Variants in ZFHX3 observed in about 807,000 individuals in gnomAD.
ZFHX3 encodes zinc finger homeobox 3.
Under a neutral mutation model 279.1 loss-of-function variants are expected in ZFHX3, and 42 were observed. The ratio of observed to expected loss-of-function variants is 0.15; its 90% CI spans 0.12 to 0.19. The LOEUF is 0.19. Among genes scored for constraint, ZFHX3 ranks in the 10% least tolerant of loss-of-function variants. The pLI is 1.00. For missense variants in ZFHX3, 4,981 were observed against 4,754.0 expected (o/e 1.05, Z -1.40); for synonymous variants, 2,293 against 1,957.8 (o/e 1.17, Z -4.52).
At chr16:73,157,278 A>AGTT (rs1438782253) in intron 5 of ZFHX3, among the ~76,000 whole-genome samples, 1 of 151,978 alleles carries the variant, frequency 6.6e-6, no homozygotes, top group Non-Finnish European at 1.5e-5. Flanking sequence ...TTTCCGTGAC[A>AGTT]GTTGTTCCCT....
At chr16:73,598,614 C>G (rs2052078225) in intron 2 of ZFHX3, among the ~76,000 whole-genome samples, 1 of 152,124 alleles carries the variant, frequency 6.6e-6, no homozygotes, top group Middle Eastern at 3.4e-3. Flanking sequence ...GAGTCAGAGT[C>G]TCTCTGTGTT....
intron 3 of ZFHX3, among the ~76,000 whole-genome samples, chr16:72,945,754 C>G (rs187142459): frequency 1.3e-5 from 2 of 152,112 alleles, no homozygotes; most frequent in African/African-American, 2.4e-5. Flanking sequence ...ACACTTTCAC[C>G]GGAGCTTCAA....
intron 5 of ZFHX3, among the ~76,000 whole-genome samples, chr16:72,822,842 T>C (rs2036833945): frequency 6.7e-6 from 1 of 149,622 alleles, no homozygotes; most frequent in African/African-American, 2.5e-5. Context: ...GCCTTAGATA[T>C]GTGTGCAAGA....
chr16:73,478,305 AGC>A (rs2018800633), intron 2 of ZFHX3, among the ~76,000 whole-genome samples: 3 of 145,566 alleles, frequency 2.1e-5, no homozygotes, highest in East Asian at 2.1e-4. Context: ...AGGTACTAAA[AGC>A]CATATGACAT....
chr16:73,152,020 C>A (rs1486872093), intron 5 of ZFHX3, among the ~76,000 whole-genome samples: 1 of 149,666 alleles, frequency 6.7e-6, no homozygotes, highest in Non-Finnish European at 1.5e-5. Flanking sequence ...TACTGAGAAG[C>A]CACTCTGTGG....
intron 1 of ZFHX3, among the ~76,000 whole-genome samples, chr16:73,689,747 G>A (rs373451621): frequency 6.6e-6 from 1 of 152,244 alleles, no homozygotes. Context: ...AGAAACCATG[G>A]AAAACACGAC....
chr16:73,444,699 A>T (rs1210230006), intron 3 of ZFHX3, among the ~76,000 whole-genome samples: 2 of 152,258 alleles, frequency 1.3e-5, no homozygotes, highest in African/African-American at 4.8e-5. Context: ...CATGTCAGAT[A>T]GCAACTGATG....
rs2013722507 is a variant in ZFHX3 at position 73,258,435 on chromosome 16, C to T, written c.-1193-1299G>A. The stretch of plus-strand genomic sequence containing the variant: ...TGCAATCTCGGCTCACTGCAAGCTG[C>T]ACCTCCCGGGTTCACGCCATTCTCC... On this transcript the variant is annotated intron_variant, in intron 4 of 17. Transcript: ENST00000641206. 2.0e-5 allele frequency among the ~76,000 whole-genome samples: 3 copies of T among 151,968 alleles called. No homozygotes were observed. The South Asian group carries it at 6.2e-4, about 32-fold the overall frequency.
In ZFHX3 at chr16:72,787,315, G is replaced by C. The variant is rs1044596115; in HGVS notation, c.10961C>G (p.Ser3654Trp). The C allele has an allele frequency of 6.2e-7, 1 of 1,614,006 alleles. No individual in the cohort carries two copies. Among genetic ancestry groups the C allele is most frequent in the Non-Finnish European group, 8.5e-7 (1 of 1,179,984 alleles). Residue 3654 changes from serine to tryptophan, a missense_variant, in exon 10 of 10, where the codon TCG becomes TGG. Coordinates refer to ENST00000268489, the MANE Select transcript of ZFHX3 (RefSeq NM_006885.4). ...CTCCGAATAGTCGTCTGTTGGCATCGAGGGCTGAACCCCTGAGGTGCTGCA... is the reference window on the plus strand; with the variant it reads ...CTCCGAATAGTCGTCTGTTGGCATCCAGGGCTGAACCCCTGAGGTGCTGCA... Reference protein sequence around the residue: ...SSCSTSGVQPSMPTDDYSEES... With the variant: ...SSCSTSGVQPWMPTDDYSEES...
intron 4 of ZFHX3, among the ~76,000 whole-genome samples, chr16:73,315,499 T>C (rs951608180): frequency 1.3e-5 from 2 of 152,090 alleles, no homozygotes; most frequent in Non-Finnish European, 2.9e-5. Flanking sequence ...CTTTGGACCA[T>C]CCAAAGCCAT....
intron 3 of ZFHX3, among the ~76,000 whole-genome samples, chr16:73,413,664 T>C (rs1302546561): frequency 2.0e-5 from 3 of 152,218 alleles, no homozygotes; most frequent in Non-Finnish European, 4.4e-5. Flanking sequence ...ATGTCATTTA[T>C]CTAACAATAT....
intron 2 of ZFHX3, among the ~76,000 whole-genome samples, chr16:73,660,770 T>C (rs376422425): frequency 2.5e-4 from 38 of 152,240 alleles, no homozygotes; most frequent in Non-Finnish European, 5.0e-4. Context: ...AATTCCTTTA[T>C]TGCATAAGTT....
chr16:73,732,790 C>T (rs1033506238), intron 1 of ZFHX3, among the ~76,000 whole-genome samples: 1 of 152,136 alleles, frequency 6.6e-6, no homozygotes, highest in Admixed American at 6.6e-5. Context: ...ATATGCATTT[C>T]GGAAAAGCTA....
intron 1 of ZFHX3, among the ~76,000 whole-genome samples, chr16:73,858,368 T>C (rs1049235798): frequency 7.2e-5 from 11 of 152,232 alleles, no homozygotes; most frequent in Non-Finnish European, 1.5e-4. Context: ...GCTGCTGATC[T>C]TGATACAGTC....
At chr16:73,763,152 G>A (rs933425339) in intron 1 of ZFHX3, among the ~76,000 whole-genome samples, 3 of 152,088 alleles carry the variant, frequency 2.0e-5, no homozygotes, top group South Asian at 4.1e-4. Context: ...AGTCTTCAGT[G>A]TACAGGATAC....
At chr16:73,777,876 G>A (rs1959311360) in intron 1 of ZFHX3, among the ~76,000 whole-genome samples, 1 of 152,050 alleles carries the variant, frequency 6.6e-6, no homozygotes, top group African/African-American at 2.4e-5. Flanking sequence ...GCTAAAGGGA[G>A]TATCTGGAAG....
chr16:72,789,245 G>T (rs1020318438), intron 9 of ZFHX3: 5 of 169,508 alleles, frequency 2.9e-5, no homozygotes, highest in African/African-American at 1.2e-4. Flanking sequence ...TGAAGATTCA[G>T]TCCTGGCTAG....
intron 2 of ZFHX3, among the ~76,000 whole-genome samples, chr16:73,613,260 T>C (rs1015261649): frequency 1.3e-5 from 2 of 152,348 alleles, no homozygotes; most frequent in Middle Eastern, 3.4e-3. Context: ...TTGAGGCTCA[T>C]GTGGAACATA....
intron 4 of ZFHX3, among the ~76,000 whole-genome samples, chr16:72,860,221 C>A (rs1038119113): frequency 2.6e-5 from 4 of 152,072 alleles, no homozygotes; most frequent in Non-Finnish European, 4.4e-5. Context: ...TCCAGCTGGT[C>A]CCCCTGCAGA....
Sources: gnomAD v4.1 joint callset for allele counts (sites outside exome capture counted in the v4.1 genomes callset) on GRCh38, gnomAD v4.1.1 for gene constraint, MANE v1.5 for transcripts, NCBI Gene and HGNC (gene_info 2026-07-23, HGNC 2026-07-21) for gene names.